The following PHRF1 variants were observed in gnomAD, a reference collection of about 807,000 sequenced individuals.
The protein encoded by PHRF1 is PHD and RING finger domain-containing protein 1.
A neutral mutation model predicts 128.9 loss-of-function variants in PHRF1; 53 were observed. The observed-to-expected ratio is 0.41, with a 90% CI of 0.33 to 0.52. The LOEUF is 0.52. Among genes scored for constraint, PHRF1 ranks in the 20% least tolerant of loss-of-function variants. The probability of loss-of-function intolerance (pLI) is 0.21; values close to 1 mark genes in which losing one functional copy is unlikely to be tolerated. For synonymous variants in PHRF1, 1,178 were observed against 980.6 expected (o/e 1.20, Z -3.76); for missense variants, 2,503 against 2,284.5 (o/e 1.10, Z -1.95).
rs761432072 is a variant in PHRF1, at chr11:608,428, C to T, written c.2972C>T (p.Ser991Phe). ...AGAGTCGTGGAGCTCAGGCCCCCTTCCCGGTCCCGCTCCACATCCAGCTCC... is the reference window on the plus strand; with the variant it reads ...AGAGTCGTGGAGCTCAGGCCCCCTTTCCGGTCCCGCTCCACATCCAGCTCC... ...THRVVELRPP[S>F]RSRSTSSSRS... is the part of the protein sequence containing the mutation. Residue 991 changes from serine (S) to phenylalanine (F), a missense_variant, in exon 14 of 18, where the codon TCC becomes TTC. Transcript: ENST00000264555. 6.2e-7 allele frequency: 1 copy of T among 1,611,922 alleles called. No individual in the cohort carries two copies.
Position 597,315 on chromosome 11 carries a change from G to T in PHRF1, c.719-80G>T, listed in dbSNP as rs1218048283. 120 of 1,512,564 alleles carry T rather than the reference G, an allele frequency of 7.9e-5. No individual in the cohort carries two copies. The highest frequency in any genetic ancestry group is 9.8e-5 in the Non-Finnish European group (110 of 1,120,902). The allele number at this position is 1,512,564 out of a possible 1,614,324, so 93.7% of individuals were successfully genotyped here. ...CAGCCCGAGCCAGGGCTGCTACTTG[G>T]CCGGCAGCCACAGGGGGAGCCGTTG... On this transcript the variant is annotated intron_variant, in intron 7 of 17. Transcript: ENST00000264555. The surrounding 1 kb of genome is among the most constrained non-coding windows in gnomAD (Gnocchi z 6.5).
chr11:611,539 G>T, intron 17 of PHRF1, 95 bp from the exon 18 acceptor site: 1 of 1,547,604 alleles, frequency 6.5e-7, no homozygotes, highest in Non-Finnish European at 8.8e-7. Context: ...CTGCTCCTGA[G>T]CAGGGCAGGC....
rs553869044 is a variant in PHRF1, at chr11:608,992, G to T, written c.3536G>T (p.Arg1179Leu). The change falls in exon 14 of 18, where the codon CGG (arginine) becomes CTG (leucine). Residue 1179 changes from arginine (R) to leucine (L), a missense_variant. By Grantham distance (102) the Arg-to-Leu change is moderately radical. Coordinates refer to ENST00000264555, the MANE Select transcript of PHRF1 (RefSeq NM_001286581.2). ...AGGGCACGGGAGCACAGGCGGCCTCGGTCCCGTGAGAAGTGGCCGCAGACC... is the reference window on the plus strand; with the variant it reads ...AGGGCACGGGAGCACAGGCGGCCTCTGTCCCGTGAGAAGTGGCCGCAGACC... ...EHRAREHRRPRSREKWPQTRS... is the reference protein window; with the variant it reads ...EHRAREHRRPLSREKWPQTRS... 6.2e-7 allele frequency: 1 copy of T among 1,604,084 alleles called. No individual in the cohort carries two copies. Among genetic ancestry groups the T allele is most frequent in the African/African-American group, 1.3e-5 (1 of 74,780 alleles).
chr11:607,520 T>G lies in PHRF1; in HGVS notation c.2064T>G (p.Asp688Glu), dbSNP rs2133070237. The G allele has an allele frequency of 6.2e-7, 1 of 1,612,686 alleles. No homozygotes were observed. The highest frequency in any genetic ancestry group is 2.2e-5 in the East Asian group (1 of 44,874). ...CCAGGATACCAAAGATCAGGAGAGA[T>G]GACGGTGGTGGCAGACGGGATGCGG... ...ELPRIPKIRR[D>E]DGGGRRDAAP... The change falls in exon 14 of 18, where the codon GAT becomes GAG. Residue 688 changes from aspartate to glutamate, a missense_variant. Physicochemically the swap from Asp to Glu is conservative, Grantham distance 45. Transcript: ENST00000264555.
intron 11 of PHRF1, 117 bp downstream of exon 11, chr11:605,417 G>A: frequency 6.7e-7 from 1 of 1,484,792 alleles, no homozygotes; most frequent in Non-Finnish European, 9.1e-7. Flanking sequence ...AGTGAGGGTG[G>A]CCATTCCTCC....
At chr11:580,587 A>C (rs938575118) in intron 1 of PHRF1, among the ~76,000 whole-genome samples, 48 of 152,206 alleles carry the variant, frequency 3.2e-4, no homozygotes, top group African/African-American at 1.0e-3. Flanking sequence ...AGAGCACCCT[A>C]CGTGTCACTG....
At chr11:578,374 C>T (rs1156947696) in intron 1 of PHRF1, among the ~76,000 whole-genome samples, 3 of 152,322 alleles carry the variant, frequency 2.0e-5, no homozygotes, top group African/African-American at 7.2e-5. Context: ...CCCGTGGAGT[C>T]TTCCCTCACC....
chr11:605,759 G>T, intron 12 of PHRF1, 35 bp downstream of exon 12: 1 of 1,580,588 alleles, frequency 6.3e-7, no homozygotes, highest in East Asian at 2.2e-5. Flanking sequence ...GGAGGTGGGG[G>T]CAGCAGTTGG....
At position 577,022 on chromosome 11, in the gene PHRF1, C is replaced by T. The variant is rs192308584; in HGVS notation, c.-22+430C>T. ...CCCACGCCCATGCCCCCTGCGAGTC[C>T]GCCCTGCCGCGTTTGGGAGAGAGCT... On this transcript the variant is annotated intron_variant, in intron 1 of 17. Transcript: ENST00000264555. Among the ~76,000 whole-genome samples, 29 of 152,286 alleles carry T rather than the reference C, an allele frequency of 1.9e-4. No homozygotes were observed. The East Asian group carries it at 4.8e-3, about 25-fold the overall frequency.
chr11:587,062 G>A (rs1465740628), intron 3 of PHRF1, among the ~76,000 whole-genome samples, 197 bp from the exon 4 acceptor site: 1 of 152,198 alleles, frequency 6.6e-6, no homozygotes, highest in East Asian at 1.9e-4. Flanking sequence ...CGAGGCTTCA[G>A]GTTAGGTGCA....
chr11:587,443 C>T lies in PHRF1; in HGVS notation c.399C>T (p.Asp133=). 1 of 1,613,470 alleles carries T rather than the reference C, an allele frequency of 6.2e-7. No individual in the cohort carries two copies. The highest frequency in any genetic ancestry group is 2.2e-5 in the East Asian group (1 of 44,886). ...PENCAHYFCL[D]CIVEWSKNAN... is the part of the protein sequence containing the mutation. ...ACTGTGCCCATTACTTCTGCCTGGA[C>T]TGCATTGTCGAATGGTCCAAGGTGA... Residue 133 remains aspartate, a synonymous_variant, in exon 4 of 18, where the codon GAC becomes GAT. Coordinates refer to ENST00000264555, the MANE Select transcript of PHRF1 (RefSeq NM_001286581.2).
intron 3 of PHRF1, among the ~76,000 whole-genome samples, chr11:586,119 C>T (rs1367383219): frequency 2.6e-5 from 4 of 152,188 alleles, no homozygotes; most frequent in African/African-American, 7.2e-5. Flanking sequence ...CCTCAGCCTC[C>T]CAAAGTACTA....
rs1427001028 is a variant in PHRF1 at position 608,805 on chromosome 11, A to C, written c.3349A>C (p.Arg1117=). 1.2e-6 allele frequency: 2 copies of C among 1,612,050 alleles called. No individual in the cohort carries two copies. Among genetic ancestry groups the C allele is most frequent in the Admixed American group, 1.7e-5 (1 of 59,976 alleles). ...RKKKKRRSAS[R]PRGRECSPTS... ...GAAGAAGAAAAGGAGATCAGCGTCC[A>C]GACCTCGGGGAAGGGAGTGCTCCCC... Residue 1117 remains arginine (R), a synonymous_variant, in exon 14 of 18, where the codon AGA becomes CGA. Coordinates refer to ENST00000264555, the MANE Select transcript of PHRF1 (RefSeq NM_001286581.2).
At chr11:578,422 C>T (rs567549110) in intron 1 of PHRF1, among the ~76,000 whole-genome samples, 1 of 152,320 alleles carries the variant, frequency 6.6e-6, no homozygotes, top group African/African-American at 2.4e-5. Flanking sequence ...GACTTAGCCC[C>T]ACAGGTGCAT....
intron 1 of PHRF1, among the ~76,000 whole-genome samples, chr11:578,688 C>T (rs1219711248): frequency 6.6e-6 from 1 of 152,186 alleles, no homozygotes; most frequent in Non-Finnish European, 1.5e-5. Flanking sequence ...ACCTCAGACT[C>T]CCGAGCAGCT....
At chr11:601,463 G>C in intron 9 of PHRF1, 111 bp from the exon 10 acceptor site, 2 of 1,405,376 alleles carry the variant, frequency 1.4e-6, no homozygotes, top group Non-Finnish European at 1.9e-6. Flanking sequence ...GCCGGTGCGT[G>C]TGGTCCCGCT....
chr11:606,236 C>T (rs574154878), intron 12 of PHRF1, among the ~76,000 whole-genome samples: 31 of 151,200 alleles, frequency 2.1e-4, no homozygotes, highest in African/African-American at 7.1e-4. Context: ...GCCAGAGCTG[C>T]GAGGTGGGGC....
Position 597,703 on chromosome 11 carries a change from C to A in PHRF1, c.894+133C>A. On this transcript the variant is annotated intron_variant, in intron 8 of 17. Coordinates refer to ENST00000264555, the MANE Select transcript of PHRF1 (RefSeq NM_001286581.2). The surrounding 1 kb of genome is among the most constrained non-coding windows in gnomAD (Gnocchi z 6.5). ...GCCCCGGTGGCTCATGTTGTTCGGCCTGCTGAGGGGAGCAGATGAGTGCAC... is the reference window on the plus strand; with the variant it reads ...GCCCCGGTGGCTCATGTTGTTCGGCATGCTGAGGGGAGCAGATGAGTGCAC... 1 of 1,241,156 alleles carries A rather than the reference C, an allele frequency of 8.1e-7. No homozygotes were observed. Among genetic ancestry groups the A allele is most frequent in the Non-Finnish European group, 1.1e-6 (1 of 903,622 alleles). The allele number at this position is 1,241,156 out of a possible 1,614,324, so 76.9% of individuals were successfully genotyped here. A position where few individuals can be genotyped will look rare whatever the true frequency, so the allele number is the denominator to read the frequency against.
At chr11:581,211 CAT>C (rs1264294221) in intron 1 of PHRF1, among the ~76,000 whole-genome samples, 7 of 150,996 alleles carry the variant, frequency 4.6e-5, no homozygotes, top group African/African-American at 1.7e-4. Context: ...AAATGTGAAT[CAT>C]GTGTAAGGCT....
Sources: allele counts gnomAD v4.1 joint callset (sites outside exome capture counted in the v4.1 genomes callset), GRCh38; gene constraint gnomAD v4.1.1; non-coding constraint Gnocchi (gnomAD v3.1); transcripts MANE v1.5; gene names NCBI Gene and HGNC (gene_info 2026-07-23, HGNC 2026-07-21).